Variants in MKRN1 observed in about 807,000 individuals in gnomAD.
MKRN1 encodes the protein E3 ubiquitin-protein ligase makorin-1.
MKRN1 carries 9 observed loss-of-function variants against 55.5 expected under a neutral mutation model. That is an observed-to-expected ratio of 0.16 (90% CI 0.10 to 0.28). The LOEUF (loss-of-function observed/expected upper bound fraction) is 0.28. Among genes scored for constraint, MKRN1 ranks in the 10% least tolerant of loss-of-function variants. MKRN1 has a pLI of 1.00. For missense variants in MKRN1, 488 were observed against 626.7 expected (o/e 0.78, Z 2.36); for synonymous variants, 253 against 235.9 (o/e 1.07, Z -0.66).
chr7:140,472,374 A>T (rs1038169107), intron 1 of MKRN1: 17 of 219,160 alleles, frequency 7.8e-5, no homozygotes, highest in Non-Finnish European at 9.2e-5. Flanking sequence ...CTGAGGTTTC[A>T]ATGAGCCGAG....
chr7:140,465,172 T>C (rs1162848236), intron 2 of MKRN1, among the ~76,000 whole-genome samples: 4 of 152,132 alleles, frequency 2.6e-5, no homozygotes, highest in African/African-American at 7.2e-5. Context: ...GATTCTTCAG[T>C]TGGTCCAAAA....
At chr7:140,474,009 G>A (rs4725702) in intron 1 of MKRN1, among the ~76,000 whole-genome samples, 22 of 18,800 alleles carry the variant, frequency 1.2e-3, no homozygotes, top group African/African-American at 4.2e-3. Flanking sequence ...AAAAAAAAAA[G>A]AAAGAAAGAA....
Position 140,453,982 on chromosome 7 carries a change from A to G in MKRN1, c.*535T>C, listed in dbSNP as rs1794399123. The stretch of plus-strand genomic sequence containing the variant: ...CTTGTGTGCAATTAAACAAGAGACC[A>G]AAACCACAGAACAAGTGCACGTGGT... On this transcript the variant is annotated 3_prime_UTR_variant, in exon 8 of 8. Transcript: ENST00000255977. The G allele has an allele frequency of 6.2e-6, 1 of 162,128 alleles. No individual in the cohort carries two copies. Among genetic ancestry groups the G allele is most frequent in the South Asian group, 1.6e-4 (1 of 6,184 alleles). The allele number at this position is 162,128 out of a possible 1,614,324, so 10.0% of individuals were successfully genotyped here. A position where few individuals can be genotyped will look rare whatever the true frequency, so the allele number is the denominator to read the frequency against.
At chr7:140,457,266 C>T (rs762894498) in intron 4 of MKRN1, among the ~76,000 whole-genome samples, 6 of 152,116 alleles carry the variant, frequency 3.9e-5, no homozygotes, top group Non-Finnish European at 8.8e-5. Flanking sequence ...CGTAAACTCT[C>T]TTATGCCTTT....
Position 140,461,684 on chromosome 7 carries a change from G to GT in MKRN1, c.315-1749_315-1748insA, listed in dbSNP as rs1490754934. 2.0e-5 allele frequency among the ~76,000 whole-genome samples: 3 copies of GT among 152,036 alleles called. No homozygotes were observed. The East Asian group carries it at 5.8e-4, about 30-fold the overall frequency. On this transcript the variant is annotated intron_variant, in intron 2 of 7. Coordinates refer to ENST00000255977, the MANE Select transcript of MKRN1 (RefSeq NM_013446.4). ...GCATAGCAAGCATCTTTCTGCCTGA[G>GT]AAAATTCTCACAGTTCCTGCTGGAC...
At chr7:140,472,061 A>AT in intron 1 of MKRN1, 50 bp from the exon 2 acceptor site, 1 of 1,606,968 alleles carries the variant, frequency 6.2e-7, no homozygotes, top group Non-Finnish European at 8.5e-7. Flanking sequence ...CCTTGAAAAT[A>AT]TTAAAACTAA....
chr7:140,475,670 T>C (rs1372575441), intron 1 of MKRN1, among the ~76,000 whole-genome samples: 2 of 151,914 alleles, frequency 1.3e-5, no homozygotes, highest in Non-Finnish European at 2.9e-5. Flanking sequence ...TCTCAAAAAA[T>C]ACAAATAAAT....
intron 1 of MKRN1, chr7:140,475,190 A>C (rs961881551): frequency 2.3e-6 from 1 of 432,676 alleles, no homozygotes; most frequent in Non-Finnish European, 4.6e-6. Context: ...AAACGTACAA[A>C]TAATTAGCCG....
rs527429894 is a variant in MKRN1, at chr7:140,463,845, C to T, written c.315-3909G>A. ...GCTTCCAGTGAGAGAGCTGAGATCG[C>T]GCCACTGCACTCCAGCCTGGGCGAC... On this transcript the variant is annotated intron_variant, in intron 2 of 7. Coordinates refer to ENST00000255977, the MANE Select transcript of MKRN1 (RefSeq NM_013446.4). Among the ~76,000 whole-genome samples, 7 of 151,798 alleles carry T rather than the reference C, an allele frequency of 4.6e-5. No homozygotes were observed. In the South Asian group the frequency reaches 8.3e-4, roughly 18 times the overall value.
rs182860677 is a variant in MKRN1 at position 140,469,666 on chromosome 7, G to A, written c.314+2217C>T. Among the ~76,000 whole-genome samples, 1,098 of 151,968 alleles carry A rather than the reference G, an allele frequency of 7.2e-3. 15 individuals are homozygous for A. Among genetic ancestry groups the A allele is most frequent in the African/African-American group, 0.024 (998 of 41,454 alleles). On this transcript the variant is annotated intron_variant, in intron 2 of 7. Transcript: ENST00000255977. Reference sequence around the variant, plus strand: ...GGTGGCTCACGCCTGTAATCCCAGCGCTTTGGGAGGCAAAGGCAGGTGGAC... The same window carrying A: ...GGTGGCTCACGCCTGTAATCCCAGCACTTTGGGAGGCAAAGGCAGGTGGAC...
chr7:140,476,994 A>G (rs1386314882), intron 1 of MKRN1, among the ~76,000 whole-genome samples: 2 of 151,768 alleles, frequency 1.3e-5, no homozygotes, highest in African/African-American at 4.8e-5. Context: ...GTAATGCCAG[A>G]GACTGAGGCA....
Position 140,477,286 on chromosome 7 carries a change from A to C in MKRN1, c.185+1874T>G, listed in dbSNP as rs79767534. On this transcript the variant is annotated intron_variant, in intron 1 of 7. Coordinates refer to ENST00000255977, the MANE Select transcript of MKRN1 (RefSeq NM_013446.4). ...AGCAAAAGCTATACAAAAAACCCCCAAAAACTAGTAAATCTAAGCTCTTTC... is the reference window on the plus strand; with the variant it reads ...AGCAAAAGCTATACAAAAAACCCCCCAAAACTAGTAAATCTAAGCTCTTTC... 3.9e-3 allele frequency among the ~76,000 whole-genome samples: 597 copies of C among 152,006 alleles called. 3 individuals carry two copies. Among genetic ancestry groups the C allele is most frequent in the African/African-American group, 0.013 (558 of 41,360 alleles).
intron 1 of MKRN1, among the ~76,000 whole-genome samples, chr7:140,476,815 C>CA (rs1348308264): frequency 6.6e-6 from 1 of 152,054 alleles, no homozygotes; most frequent in African/African-American, 2.4e-5. Context: ...TGCGGTGGCT[C>CA]ACGCCTCTAA....
intron 1 of MKRN1, 130 bp downstream of exon 1, chr7:140,479,030 A>T (rs1227479936): frequency 1.8e-6 from 2 of 1,128,572 alleles, no homozygotes; most frequent in East Asian, 7.1e-5. Context: ...GGCTGCAGAG[A>T]TCGAGACAAC....
chr7:140,464,844 C>T (rs1370650017), intron 2 of MKRN1, among the ~76,000 whole-genome samples: 1 of 152,152 alleles, frequency 6.6e-6, no homozygotes, highest in African/African-American at 2.4e-5. Context: ...GACTGGAGAG[C>T]AGTGGCACAA....
At chr7:140,478,842 C>G in intron 1 of MKRN1, 1 of 211,188 alleles carries the variant, frequency 4.7e-6, no homozygotes, top group East Asian at 1.0e-4. Flanking sequence ...CCCACCTCTC[C>G]CCGATGCGCT....
At chr7:140,457,757 ACAT>A (rs1389134766) in intron 4 of MKRN1, among the ~76,000 whole-genome samples, 1 of 150,892 alleles carries the variant, frequency 6.6e-6, no homozygotes, top group Non-Finnish European at 1.5e-5. Context: ...CCATAATCTC[ACAT>A]CATCACTAAA....
At position 140,454,487 on chromosome 7, in the gene MKRN1, G is replaced by A. The variant is rs372477403; in HGVS notation, c.*30C>T. 1.8e-4 allele frequency: 291 copies of A among 1,594,092 alleles called. No homozygotes were observed. Among genetic ancestry groups the A allele is most frequent in the Non-Finnish European group, 2.3e-4 (270 of 1,168,232 alleles). On this transcript the variant is annotated 3_prime_UTR_variant, in exon 8 of 8. Coordinates refer to ENST00000255977, the MANE Select transcript of MKRN1 (RefSeq NM_013446.4). ...AGGGGACAGCTGCTGTCTGAGGTCA[G>A]CAGACCAGTTCACACGCCACGCAAG...
intron 1 of MKRN1, among the ~76,000 whole-genome samples, chr7:140,474,065 G>GAAAGAAAGAAAGAAAGAAAA (rs1048242237): frequency 7.2e-6 from 1 of 139,358 alleles, no homozygotes; most frequent in Non-Finnish European, 1.6e-5. Context: ...AAGAAAGAAA[G>GAAAGAAAGAAAGAAAGAAAA]AATAAAAGAC....
Sources: gnomAD v4.1 joint callset for allele counts (sites outside exome capture counted in the v4.1 genomes callset) on GRCh38, gnomAD v4.1.1 for gene constraint, MANE v1.5 for transcripts, NCBI Gene and HGNC (gene_info 2026-07-23, HGNC 2026-07-21) for gene names.